LRBA: variants seen among roughly 807,000 people sequenced by gnomAD.
LRBA encodes the protein LPS responsive beige-like anchor protein.
Under a neutral mutation model 330.0 loss-of-function variants are expected in LRBA, and 176 were observed. The ratio of observed to expected loss-of-function variants is 0.53; its 90% CI spans 0.47 to 0.60. The LOEUF (loss-of-function observed/expected upper bound fraction) is 0.60, where lower values mean the gene tolerates loss of function less well. Among genes scored for constraint, LRBA ranks in the 20% least tolerant of loss-of-function variants. The probability of loss-of-function intolerance (pLI) is 0.00; values close to 1 mark genes in which losing one functional copy is unlikely to be tolerated. For missense variants in LRBA, 3,259 were observed against 3,444.8 expected, an observed-to-expected ratio of 0.95 and a Z score of 1.35; for synonymous variants, 1,230 against 1,193.0, an observed-to-expected ratio of 1.03 and a Z score of -0.64.
At chr4:150,970,372 C>T (rs187266068) in intron 2 of LRBA, among the ~76,000 whole-genome samples, 32 of 151,338 alleles carry the variant, frequency 2.1e-4, no homozygotes, top group Middle Eastern at 3.4e-3. Flanking sequence ...TGGTGGCCTA[C>T]ACCTGTAGTC....
At chr4:150,574,859 CT>C (rs1770335561) in intron 40 of LRBA, among the ~76,000 whole-genome samples, 1 of 151,968 alleles carries the variant, frequency 6.6e-6, no homozygotes, top group Non-Finnish European at 1.5e-5. Flanking sequence ...CATCTTTCTG[CT>C]CCTTTGTGTG....
chr4:150,411,033 G>A (rs919914912), intron 47 of LRBA, among the ~76,000 whole-genome samples: 1 of 152,094 alleles, frequency 6.6e-6, no homozygotes, highest in Non-Finnish European at 1.5e-5. Flanking sequence ...TGCTGTATCT[G>A]AAATAAATTT....
intron 40 of LRBA, among the ~76,000 whole-genome samples, chr4:150,496,442 A>G (rs1759600423): frequency 6.6e-6 from 1 of 152,106 alleles, no homozygotes; most frequent in Non-Finnish European, 1.5e-5. Context: ...TAGATTTAAA[A>G]TAGTTAAAGC....
chr4:150,929,803 A>T (rs1417625182), intron 2 of LRBA, among the ~76,000 whole-genome samples: 1 of 152,066 alleles, frequency 6.6e-6, no homozygotes, highest in African/African-American at 2.4e-5. Flanking sequence ...TAGATTTTTT[A>T]AATAAATTTT....
At chr4:150,328,461 C>G (rs1388035734) in intron 48 of LRBA, among the ~76,000 whole-genome samples, 1 of 152,032 alleles carries the variant, frequency 6.6e-6, no homozygotes, top group Non-Finnish European at 1.5e-5. Flanking sequence ...GAAATGACCT[C>G]CTTTTTGAAA....
intron 38 of LRBA, among the ~76,000 whole-genome samples, chr4:150,596,170 T>G (rs930317225): frequency 6.6e-6 from 1 of 151,870 alleles, no homozygotes; most frequent in African/African-American, 2.4e-5. Flanking sequence ...CAAGTTAATG[T>G]GAACTTGGGA....
chr4:150,628,033 C>T (rs985321664), intron 37 of LRBA, among the ~76,000 whole-genome samples: 6 of 151,950 alleles, frequency 3.9e-5, no homozygotes, highest in Non-Finnish European at 8.8e-5. Context: ...AGCTTTTAAG[C>T]TTTTTTTGCT....
intron 36 of LRBA, among the ~76,000 whole-genome samples, chr4:150,697,823 T>G (rs897143899): frequency 1.1e-4 from 17 of 147,952 alleles, no homozygotes; most frequent in African/African-American, 3.5e-4. Flanking sequence ...GCCAGTTTTG[T>G]TTTTTTTTTA....
chr4:150,632,199 C>G (rs1042512123), intron 37 of LRBA, among the ~76,000 whole-genome samples: 5 of 149,092 alleles, frequency 3.4e-5, no homozygotes, highest in Non-Finnish European at 5.9e-5. Context: ...CCATTGCACT[C>G]CAGCCTGGGA....
intron 2 of LRBA, among the ~76,000 whole-genome samples, chr4:150,967,487 T>C (rs143062571): frequency 3.3e-4 from 51 of 152,366 alleles, no homozygotes; most frequent in African/African-American, 1.1e-3. Flanking sequence ...AACTTGTCCA[T>C]TGCAAAATAT....
intron 40 of LRBA, 27 bp from the exon 41 acceptor site, chr4:150,491,062 T>C: frequency 9.0e-7 from 1 of 1,108,346 alleles, no homozygotes; most frequent in Non-Finnish European, 1.3e-6. Flanking sequence ...TAATCCCAGG[T>C]AAGTAACAAT....
intron 47 of LRBA, among the ~76,000 whole-genome samples, chr4:150,405,339 A>G (rs1381579477): frequency 1.3e-5 from 2 of 152,366 alleles, no homozygotes; most frequent in East Asian, 3.9e-4. Context: ...TCCATTTAAG[A>G]GGCAAAGAAA....
rs1731613312 is a variant in LRBA, at chr4:150,908,675, A to C, written c.1344T>G (p.His448Gln). 13 of 1,613,594 alleles carry C rather than the reference A, an allele frequency of 8.1e-6. No individual in the cohort carries two copies. The highest frequency in any genetic ancestry group is 1.1e-5 in the Non-Finnish European group (13 of 1,179,590). Residue 448 changes from histidine to glutamine, a missense_variant, in exon 10 of 57, where the codon CAT (histidine) becomes CAG (glutamine). By Grantham distance (24) the His-to-Gln change is conservative. Coordinates refer to ENST00000651943, the MANE Select transcript of LRBA (RefSeq NM_001364905.1). ...DNPSIFVHSP[H>Q]ALMLQDVKAV... ...CAGTTAGTACCTGGAGCATGAGTGC[A>C]TGTGGTGAATGAACAAAAATTGAAG...
chr4:150,420,268 T>A (rs1748458491), intron 46 of LRBA, among the ~76,000 whole-genome samples: 1 of 146,002 alleles, frequency 6.8e-6, no homozygotes, highest in Non-Finnish European at 1.5e-5. Flanking sequence ...ACATATATGG[T>A]ATATATATAA....
At position 150,590,777 on chromosome 4, in the gene LRBA, G is replaced by C. The variant is rs752490558; in HGVS notation, c.6129C>G (p.Ile2043Met). 12 of 1,613,848 alleles carry C rather than the reference G, an allele frequency of 7.4e-6. No individual in the cohort carries two copies. In the South Asian group the frequency reaches 9.9e-5, roughly 13 times the overall value. Residue 2043 changes from isoleucine (I) to methionine (M), a missense_variant, in exon 39 of 57, where the codon ATC (isoleucine) becomes ATG (methionine). By Grantham distance (10) the Ile-to-Met change is conservative. Transcript: ENST00000651943. ...GAGTATCATCATCGCCTTCCAGGAG[G>C]ATCTCGTTTTCTGAGTTCTGATTTC... ...ALGNQNSENE[I>M]LLEGDDDTLS...
intron 45 of LRBA, 91 bp downstream of exon 45, chr4:150,436,633 C>T: frequency 9.3e-7 from 1 of 1,077,320 alleles, no homozygotes; most frequent in South Asian, 1.8e-5. Flanking sequence ...TTTTAGTATT[C>T]AAAAAAATAT....
At chr4:150,633,756 A>G (rs6839548) in intron 37 of LRBA, among the ~76,000 whole-genome samples, 133,164 of 152,126 alleles carry the variant, frequency 0.88, 59,189 homozygotes, top group Non-Finnish European at 0.95. Flanking sequence ...ACACACATCC[A>G]CTCACTATCC....
chr4:150,340,160 G>T (rs183550260), intron 48 of LRBA, among the ~76,000 whole-genome samples: 1 of 152,222 alleles, frequency 6.6e-6, no homozygotes, highest in East Asian at 1.9e-4. Context: ...ATGTGGAACT[G>T]AGTCAATTAA....
intron 14 of LRBA, among the ~76,000 whole-genome samples, chr4:150,898,409 A>G (rs185099259): frequency 1.3e-5 from 2 of 152,178 alleles, no homozygotes; most frequent in South Asian, 2.1e-4. Context: ...CATTAAATCA[A>G]TTTTCATGTC....
Sources: gnomAD v4.1 joint callset for allele counts (sites outside exome capture counted in the v4.1 genomes callset) on GRCh38, gnomAD v4.1.1 for gene constraint, MANE v1.5 for transcripts, NCBI Gene and HGNC (gene_info 2026-07-23, HGNC 2026-07-21) for gene names.